NCMAP: variants seen among roughly 807,000 people sequenced by gnomAD.
NCMAP encodes non-compact myelin associated protein.
Under a neutral mutation model 7.8 loss-of-function variants are expected in NCMAP, and 8 were observed. That is an observed-to-expected ratio of 1.02 (90% CI 0.60 to 1.84). The LOEUF (loss-of-function observed/expected upper bound fraction) is 1.84. Ranked by LOEUF, NCMAP falls within the 40% of genes most tolerant of loss-of-function variation. The pLI is 0.00. For synonymous variants in NCMAP, 41 were observed against 52.9 expected (o/e 0.78, Z 0.98); for missense variants, 112 against 131.4 (o/e 0.85, Z 0.72).
chr1:24,601,910 G>A (rs1352987369), intron 3 of NCMAP, among the ~76,000 whole-genome samples: 1 of 152,012 alleles, frequency 6.6e-6, no homozygotes, highest in Non-Finnish European at 1.5e-5. Context: ...GTGTGGCGGC[G>A]TGCGCCTGTA....
rs538163635 is a variant in NCMAP, at chr1:24,597,061, C to T, written c.82+1549C>T. ...GAGTCAGAAGGGGTTGCTCCCAGGACGGGGTCCCATGGGCTATCCTGCTGC... is the reference window on the plus strand; with the variant it reads ...GAGTCAGAAGGGGTTGCTCCCAGGATGGGGTCCCATGGGCTATCCTGCTGC... On this transcript the variant is annotated intron_variant, in intron 2 of 3. Coordinates refer to ENST00000374392, the MANE Select transcript of NCMAP (RefSeq NM_001010980.5). 2.4e-3 allele frequency among the ~76,000 whole-genome samples: 372 copies of T among 152,244 alleles called. 1 individual carries two copies. The highest frequency in any genetic ancestry group is 3.6e-3 in the Non-Finnish European group (244 of 68,006).
chr1:24,579,384 G>A (rs1651683537), intron 1 of NCMAP, among the ~76,000 whole-genome samples: 2 of 151,822 alleles, frequency 1.3e-5, no homozygotes, highest in Non-Finnish European at 2.9e-5. Flanking sequence ...TCATGCTTGG[G>A]GCTTTTCTCC....
intron 1 of NCMAP, among the ~76,000 whole-genome samples, chr1:24,577,196 A>C (rs1468661077): frequency 6.6e-6 from 1 of 152,132 alleles, no homozygotes; most frequent in Admixed American, 6.6e-5. Context: ...AAAATTATAG[A>C]GCACTAGATT....
intron 1 of NCMAP, among the ~76,000 whole-genome samples, chr1:24,583,903 C>T (rs1651807661): frequency 6.6e-6 from 1 of 152,062 alleles, no homozygotes; most frequent in South Asian, 2.1e-4. Flanking sequence ...AGATTTTGGG[C>T]AAGTCCCTTA....
chr1:24,588,081 C>A (rs1651944548), intron 1 of NCMAP, among the ~76,000 whole-genome samples: 1 of 151,648 alleles, frequency 6.6e-6, no homozygotes, highest in Admixed American at 6.6e-5. Context: ...ACTCAATTTT[C>A]TTTTCCTTTT....
Position 24,609,044 on chromosome 1 carries a change from AGGATTTGAGTGTCT to A in NCMAP, c.*3298_*3311del, listed in dbSNP as rs1652846907. The A allele has an allele frequency of 6.6e-6, 1 of 152,246 alleles. No homozygotes were observed. The highest frequency in any genetic ancestry group is 1.5e-5 in the Non-Finnish European group (1 of 68,062). 9.4% of individuals were successfully genotyped at this position (152,246 alleles called of 1,614,324 possible). A position where few individuals can be genotyped will look rare whatever the true frequency, so the allele number is the denominator to read the frequency against. On this transcript the variant is annotated 3_prime_UTR_variant, in exon 4 of 4. Transcript: ENST00000374392. ...GAGTGGTGAGGGCGAGTCAAATAAA[AGGATTTGAGTGTCT>A]CGTTTTTGACTAATGAAGATGATTC...
intron 1 of NCMAP, among the ~76,000 whole-genome samples, chr1:24,594,962 A>G (rs1484829776): frequency 1.3e-5 from 2 of 152,130 alleles, no homozygotes; most frequent in Non-Finnish European, 2.9e-5. Flanking sequence ...GCCTCCTCAT[A>G]TAGTAAAGCC....
intron 2 of NCMAP, among the ~76,000 whole-genome samples, chr1:24,597,624 AAAG>A (rs1323642031): frequency 2.0e-5 from 2 of 98,214 alleles, no homozygotes; most frequent in Non-Finnish European, 3.9e-5. Flanking sequence ...AAAGAGAAAG[AAAG>A]AAAGAAAGAA....
chr1:24,595,498 A>G lies in NCMAP; in HGVS notation c.68A>G (p.Asp23Gly). 1.2e-6 allele frequency: 2 copies of G among 1,613,620 alleles called. No homozygotes were observed. Among genetic ancestry groups the G allele is most frequent in the Non-Finnish European group, 1.7e-6 (2 of 1,179,544 alleles). ...CTGAACATGACCACCAGGGGAGAAGACTTCCTGTATAAGAGTAAGGTCAAA... is the reference window on the plus strand; with the variant it reads ...CTGAACATGACCACCAGGGGAGAAGGCTTCCTGTATAAGAGTAAGGTCAAA... ...FSLNMTTRGEDFLYKSSGAIV... is the reference protein window; with the variant it reads ...FSLNMTTRGEGFLYKSSGAIV... Residue 23 changes from aspartate (D) to glycine (G), a missense_variant, in exon 2 of 4, where the codon GAC becomes GGC. Physicochemically the swap from Asp to Gly is moderately conservative, Grantham distance 94 (BLOSUM62 -1). Transcript: ENST00000374392.
At chr1:24,577,427 T>G (rs1438411124) in intron 1 of NCMAP, among the ~76,000 whole-genome samples, 19 of 139,752 alleles carry the variant, frequency 1.4e-4, no homozygotes, top group East Asian at 4.6e-4. Context: ...TTTTTTTTTT[T>G]TTTTGGTTTT....
chr1:24,596,956 C>T (rs1487187407), intron 2 of NCMAP, among the ~76,000 whole-genome samples: 1 of 152,108 alleles, frequency 6.6e-6, no homozygotes, highest in South Asian at 2.1e-4. Context: ...ACAGACTTCC[C>T]TACACACAGG....
Position 24,605,804 on chromosome 1 carries a change from C to G in NCMAP, c.*57C>G. 1.3e-6 allele frequency: 2 copies of G among 1,590,484 alleles called. No homozygotes were observed. Among genetic ancestry groups the G allele is most frequent in the South Asian group, 2.2e-5 (2 of 90,084 alleles). ...CAAAGAGCCTCTCCAGAGTCAAGAC[C>G]CAGAGGCACACTCTCTGGCAGCTTC... is the stretch of plus-strand genomic sequence containing the variant. On this transcript the variant is annotated 3_prime_UTR_variant, in exon 4 of 4. Coordinates refer to ENST00000374392, the MANE Select transcript of NCMAP (RefSeq NM_001010980.5).
chr1:24,581,930 G>A (rs560620736), intron 1 of NCMAP, among the ~76,000 whole-genome samples: 5 of 152,296 alleles, frequency 3.3e-5, no homozygotes, highest in African/African-American at 9.6e-5. Context: ...CGGTCCTTCA[G>A]GACAGGATGA....
chr1:24,580,212 G>A (rs1267768672), intron 1 of NCMAP, among the ~76,000 whole-genome samples: 2 of 152,236 alleles, frequency 1.3e-5, no homozygotes, highest in African/African-American at 4.8e-5. Flanking sequence ...CTGAAATGTG[G>A]CTAATGCAAC....
At chr1:24,578,196 C>T (rs1410658180) in intron 1 of NCMAP, among the ~76,000 whole-genome samples, 2 of 143,648 alleles carry the variant, frequency 1.4e-5, no homozygotes, top group Non-Finnish European at 3.0e-5. Context: ...GCAGAGGTTG[C>T]AGTGAGCCAA....
intron 1 of NCMAP, among the ~76,000 whole-genome samples, chr1:24,556,496 G>A (rs1650900476): frequency 6.6e-6 from 1 of 152,232 alleles, no homozygotes; most frequent in South Asian, 2.1e-4. Flanking sequence ...AGTCGACCTT[G>A]ACCCGGCCTG....
chr1:24,584,514 C>T (rs1651825238), intron 1 of NCMAP, among the ~76,000 whole-genome samples: 1 of 152,200 alleles, frequency 6.6e-6, no homozygotes, highest in Admixed American at 6.5e-5. Flanking sequence ...ACATCTGAGC[C>T]ACCGTTTGAC....
chr1:24,605,579 A>G, intron 3 of NCMAP, 27 bp from the exon 4 acceptor site: 1 of 1,610,368 alleles, frequency 6.2e-7, no homozygotes, highest in Middle Eastern at 1.7e-4. Flanking sequence ...GGAAAGACTC[A>G]ACCATGTGCA....
At chr1:24,601,117 C>T in intron 3 of NCMAP, 93 bp downstream of exon 3, 5 of 992,682 alleles carry the variant, frequency 5.0e-6, no homozygotes, top group Non-Finnish European at 6.4e-6. Flanking sequence ...CGTCGTGTGC[C>T]TGGCAGTATC....
Sources: allele counts gnomAD v4.1 joint callset (sites outside exome capture counted in the v4.1 genomes callset), GRCh38; gene constraint gnomAD v4.1.1; transcripts MANE v1.5; gene names NCBI Gene and HGNC (gene_info 2026-07-23, HGNC 2026-07-21).